Variants in ZNF398 observed in about 807,000 individuals in gnomAD.
ZNF398 encodes zinc finger DNA binding protein ZER6.
In ZNF398, 18 loss-of-function variants were observed where a neutral mutation model predicts 41.9. The ratio of observed to expected loss-of-function variants is 0.43; its 90% confidence interval spans 0.30 to 0.64. ZNF398 has a LOEUF of 0.64. Ranked by LOEUF, ZNF398 falls within the 30% of genes least tolerant of loss-of-function variation. The pLI is 0.14. For synonymous variants in ZNF398, 260 were observed against 308.8 expected, an observed-to-expected ratio of 0.84 and a Z score of 1.66; for missense variants, 669 against 822.8, an observed-to-expected ratio of 0.81 and a Z score of 2.29.
Position 149,178,737 on chromosome 7 carries a change from G to A in ZNF398, c.865G>A (p.Ala289Thr). Residue 289 changes from alanine to threonine, a missense_variant, in exon 6 of 6, where the codon GCA becomes ACA. Transcript: ENST00000475153. ...PVPFSSPPAA[A>T]KDAFSDVAFK... The stretch of plus-strand genomic sequence containing the variant: ...CCCTTTCTCTTCTCCACCAGCAGCA[G>A]CAAAGGATGCTTTTTCAGATGTGGC... 1 of 1,614,192 alleles carries A rather than the reference G, an allele frequency of 6.2e-7. No homozygotes were observed. The highest frequency in any genetic ancestry group is 1.1e-5 in the South Asian group (1 of 91,080).
chr7:149,147,736 C>T lies in ZNF398; in HGVS notation c.-7C>T. 1 of 1,370,770 alleles carries T rather than the reference C, an allele frequency of 7.3e-7. No homozygotes were observed. The highest frequency in any genetic ancestry group is 9.4e-7 in the Non-Finnish European group (1 of 1,062,132). The allele number at this position is 1,370,770 out of a possible 1,614,324, so 84.9% of individuals were successfully genotyped here. A position where few individuals can be genotyped will look rare whatever the true frequency, so the allele number is the denominator to read the frequency against. Reference sequence around the variant, plus strand: ...CTTCCGAGGCCCGGGCTAGACAGCGCAGGGCCATGGCTGAGGCGGCCCCGG... The same window carrying T: ...CTTCCGAGGCCCGGGCTAGACAGCGTAGGGCCATGGCTGAGGCGGCCCCGG... On this transcript the variant is annotated 5_prime_UTR_variant, in exon 1 of 6. Transcript: ENST00000475153. The surrounding 1 kb of genome is among the most constrained non-coding windows in gnomAD (Gnocchi z 5.6).
intron 1 of ZNF398, among the ~76,000 whole-genome samples, chr7:149,149,845 C>T (rs1264964619): frequency 6.6e-6 from 1 of 152,024 alleles, no homozygotes; most frequent in Non-Finnish European, 1.5e-5. Context: ...CTCAAGCAAA[C>T]AAACAAATAT....
chr7:149,177,400 G>C (rs1488210654), intron 5 of ZNF398, among the ~76,000 whole-genome samples: 2 of 152,032 alleles, frequency 1.3e-5, no homozygotes, highest in African/African-American at 2.4e-5. Context: ...AGGAGTTCAA[G>C]ACCAGCCTGG....
chr7:149,178,641 C>A lies in ZNF398; in HGVS notation c.776-7C>A, dbSNP rs561336598. 1 of 1,609,620 alleles carries A rather than the reference C, an allele frequency of 6.2e-7. No individual in the cohort carries two copies. The highest frequency in any genetic ancestry group is 8.5e-7 in the Non-Finnish European group (1 of 1,178,004). On this transcript the variant is annotated splice_polypyrimidine_tract_variant and splice_region_variant and intron_variant, in intron 5 of 5. Coordinates refer to ENST00000475153, the MANE Select transcript of ZNF398 (RefSeq NM_170686.3). ...GATGGGTATAACTCTGGAGTCTTTTCTTTCAGATGAAGAGCTTGTCATCAA... is the reference window on the plus strand; with the variant it reads ...GATGGGTATAACTCTGGAGTCTTTTATTTCAGATGAAGAGCTTGTCATCAA...
chr7:149,177,849 G>T (rs1585543714), intron 5 of ZNF398, among the ~76,000 whole-genome samples: 1 of 152,148 alleles, frequency 6.6e-6, no homozygotes, highest in Admixed American at 6.6e-5. Context: ...GAGGTACAGT[G>T]TTAAATTTTC....
At chr7:149,169,901 A>T (rs541954421) in intron 4 of ZNF398, among the ~76,000 whole-genome samples, 3 of 152,350 alleles carry the variant, frequency 2.0e-5, no homozygotes, top group Non-Finnish European at 4.4e-5. Flanking sequence ...ATACAAAGTA[A>T]TATCAGCAAA....
rs757578727 is a variant in ZNF398 at position 149,155,683 on chromosome 7, TTA to T, written c.420+1367_420+1368del. The stretch of plus-strand genomic sequence containing the variant: ...TTTGAAGCAGAGGAATTATATTTGG[TTA>T]TATATATATATATATATATATATTT... On this transcript the variant is annotated intron_variant, in intron 2 of 5. Coordinates refer to ENST00000475153, the MANE Select transcript of ZNF398 (RefSeq NM_170686.3). 1.7e-3 allele frequency among the ~76,000 whole-genome samples: 185 copies of T among 110,830 alleles called. 1 individual carries two copies. Among genetic ancestry groups the T allele is most frequent in the Admixed American group, 5.7e-3 (53 of 9,298 alleles). 72.7% of individuals were successfully genotyped at this position (110,830 alleles called of 152,430 possible).
intron 2 of ZNF398, among the ~76,000 whole-genome samples, chr7:149,133,971 G>A (rs1418980775): frequency 6.7e-6 from 1 of 148,666 alleles, no homozygotes; most frequent in Non-Finnish European, 1.5e-5. Context: ...GGCTGATCTC[G>A]AACTCCTGAC....
intron 1 of ZNF398, among the ~76,000 whole-genome samples, chr7:149,149,883 C>T (rs570535976): frequency 6.6e-6 from 1 of 152,000 alleles, no homozygotes; most frequent in Non-Finnish European, 1.5e-5. Context: ...TTCAAAGTCT[C>T]GTGTATTTTA....
intron 2 of ZNF398, among the ~76,000 whole-genome samples, chr7:149,157,971 A>T (rs1007647107): frequency 2.0e-5 from 3 of 151,920 alleles, no homozygotes; most frequent in African/African-American, 7.3e-5. Flanking sequence ...GCCTGTAGCT[A>T]CTCGGGAGGC....
intron 4 of ZNF398, among the ~76,000 whole-genome samples, chr7:149,170,182 T>G (rs534776708): frequency 1.1e-3 from 175 of 152,350 alleles, no homozygotes; most frequent in African/African-American, 4.0e-3. Flanking sequence ...AATCATGCGC[T>G]GCTGAACAAT....
At chr7:149,156,317 C>T (rs969117747) in intron 2 of ZNF398, among the ~76,000 whole-genome samples, 4 of 150,544 alleles carry the variant, frequency 2.7e-5, no homozygotes, top group African/African-American at 9.8e-5. Flanking sequence ...CCAGCCTGGC[C>T]AACATGATGA....
upstream of ZNF398, among the ~76,000 whole-genome samples, chr7:149,142,629 T>C (rs558177516): frequency 4.6e-5 from 7 of 152,368 alleles, no homozygotes; most frequent in East Asian, 1.3e-3. Flanking sequence ...ATCGCGCCAC[T>C]GCACTCCAGC....
At chr7:149,130,098 CTATT>C (rs779723312) in intron 2 of ZNF398, among the ~76,000 whole-genome samples, 3 of 151,756 alleles carry the variant, frequency 2.0e-5, no homozygotes, top group Non-Finnish European at 2.9e-5. Context: ...TGCACCCGGC[CTATT>C]TATTTATTTT....
chr7:149,160,747 T>C (rs1795091430), intron 2 of ZNF398, among the ~76,000 whole-genome samples: 1 of 152,218 alleles, frequency 6.6e-6, no homozygotes, highest in Non-Finnish European at 1.5e-5. Flanking sequence ...TCTGAGTAAC[T>C]CTGAGTCCTC....
At chr7:149,174,992 A>G (rs1274376353) in intron 4 of ZNF398, among the ~76,000 whole-genome samples, 3 of 152,094 alleles carry the variant, frequency 2.0e-5, no homozygotes, top group Non-Finnish European at 4.4e-5. Context: ...ATAAGATTGG[A>G]CTATGTTTAA....
At chr7:149,170,241 A>G (rs1293470306) in intron 4 of ZNF398, among the ~76,000 whole-genome samples, 1 of 152,228 alleles carries the variant, frequency 6.6e-6, no homozygotes, top group Non-Finnish European at 1.5e-5. Flanking sequence ...GTCATTGTGC[A>G]GACATCACAG....
At chr7:149,176,620 A>G in intron 5 of ZNF398, 39 bp downstream of exon 5, 1 of 1,370,536 alleles carries the variant, frequency 7.3e-7, no homozygotes, top group South Asian at 1.3e-5. Flanking sequence ...GTCCATATCC[A>G]GCTCATGCCA....
At chr7:149,177,910 A>G (rs780273525) in intron 5 of ZNF398, among the ~76,000 whole-genome samples, 1 of 152,090 alleles carries the variant, frequency 6.6e-6, no homozygotes, top group Non-Finnish European at 1.5e-5. Context: ...GCACTTTGGG[A>G]GGCTGAGGCA....
Sources: allele counts gnomAD v4.1 joint callset (sites outside exome capture counted in the v4.1 genomes callset), GRCh38; gene constraint gnomAD v4.1.1; non-coding constraint Gnocchi (gnomAD v3.1); transcripts MANE v1.5; gene names NCBI Gene and HGNC (gene_info 2026-07-23, HGNC 2026-07-21).